Variants in CACNA2D3 observed in about 807,000 individuals in gnomAD.
CACNA2D3 encodes the protein voltage-dependent calcium channel subunit alpha-2/delta-3.
In CACNA2D3, 60 loss-of-function variants were observed where a neutral mutation model predicts 160.6. The observed-to-expected ratio is 0.37, with a 90% CI of 0.30 to 0.46. CACNA2D3 has a LOEUF of 0.46. CACNA2D3 is among the 20% of genes least tolerant of loss of function. The pLI, the probability that CACNA2D3 is intolerant of heterozygous loss-of-function variation, is 1.00. For synonymous variants in CACNA2D3, 558 were observed against 492.9 expected, an observed-to-expected ratio of 1.13 and a Z score of -1.75; for missense variants, 1,205 against 1,365.0, an observed-to-expected ratio of 0.88 and a Z score of 1.85.
chr3:54,911,852 A>G (rs1008389600), intron 27 of CACNA2D3, among the ~76,000 whole-genome samples: 7 of 152,196 alleles, frequency 4.6e-5, no homozygotes, highest in African/African-American at 1.7e-4. Flanking sequence ...ACAGAGGTCC[A>G]GGTATTAGTT....
At chr3:54,488,495 A>C (rs1427820047) in intron 4 of CACNA2D3, among the ~76,000 whole-genome samples, 1 of 152,022 alleles carries the variant, frequency 6.6e-6, no homozygotes, top group Non-Finnish European at 1.5e-5. Context: ...GACTAGCCTC[A>C]CAATAGCCCA....
intron 9 of CACNA2D3, among the ~76,000 whole-genome samples, chr3:54,606,522 T>G (rs918765197): frequency 1.3e-5 from 2 of 152,054 alleles, no homozygotes; most frequent in African/African-American, 4.8e-5. Flanking sequence ...GCTATTGGGA[T>G]GTGGGTTCCA....
chr3:54,491,182 A>G (rs558434556), intron 4 of CACNA2D3, among the ~76,000 whole-genome samples: 1 of 152,262 alleles, frequency 6.6e-6, no homozygotes, highest in East Asian at 1.9e-4. Context: ...TTTTTGGAGT[A>G]GGACTTGTTC....
intron 28 of CACNA2D3, among the ~76,000 whole-genome samples, chr3:54,968,962 T>G (rs1201859821): frequency 6.6e-6 from 1 of 152,208 alleles, no homozygotes; most frequent in African/African-American, 2.4e-5. Flanking sequence ...CTGGGAACAT[T>G]GTTTTCTTTT....
intron 29 of CACNA2D3, among the ~76,000 whole-genome samples, chr3:54,975,309 A>G (rs1422291896): frequency 6.6e-6 from 1 of 152,176 alleles, no homozygotes; most frequent in Non-Finnish European, 1.5e-5. Context: ...ACTTGAGGTC[A>G]GGAGTTTGAG....
At chr3:54,636,025 C>T (rs1699363264) in intron 10 of CACNA2D3, among the ~76,000 whole-genome samples, 1 of 151,860 alleles carries the variant, frequency 6.6e-6, no homozygotes, top group Non-Finnish European at 1.5e-5. Flanking sequence ...GGGGGCAAAT[C>T]CCTGAGCTTG....
chr3:54,372,195 A>G (rs1386916747), intron 3 of CACNA2D3, among the ~76,000 whole-genome samples: 1 of 152,324 alleles, frequency 6.6e-6, no homozygotes, highest in South Asian at 2.1e-4. Flanking sequence ...AAAGCCACTA[A>G]AGTTCAAATA....
At chr3:54,459,063 A>G (rs1486993133) in intron 4 of CACNA2D3, among the ~76,000 whole-genome samples, 2 of 151,990 alleles carry the variant, frequency 1.3e-5, no homozygotes, top group African/African-American at 2.4e-5. Flanking sequence ...GAGAATGATG[A>G]TTTCCAATTT....
intron 11 of CACNA2D3, among the ~76,000 whole-genome samples, chr3:54,648,365 G>T (rs1699694710): frequency 6.6e-6 from 1 of 152,202 alleles, no homozygotes; most frequent in Non-Finnish European, 1.5e-5. Flanking sequence ...TATGGCTGAT[G>T]GCAGAATTCA....
intron 35 of CACNA2D3, among the ~76,000 whole-genome samples, chr3:55,071,976 T>C (rs1027875217): frequency 6.6e-6 from 1 of 152,236 alleles, no homozygotes; most frequent in Non-Finnish European, 1.5e-5. Flanking sequence ...AATATATTTA[T>C]GTTGATGGGC....
intron 27 of CACNA2D3, among the ~76,000 whole-genome samples, chr3:54,904,372 G>A (rs927676599): frequency 1.3e-5 from 2 of 152,152 alleles, no homozygotes; most frequent in Non-Finnish European, 2.9e-5. Context: ...GATGGAAGGT[G>A]TGGCCCTGCA....
chr3:54,998,127 C>CTTTT (rs752805359), intron 31 of CACNA2D3, among the ~76,000 whole-genome samples: 1 of 126,990 alleles, frequency 7.9e-6, no homozygotes, highest in Non-Finnish European at 1.6e-5. Context: ...TCAATTAATT[C>CTTTT]TTTTTTTTTT....
rs566486691 is a variant in CACNA2D3 at position 54,376,601 on chromosome 3, G to C, written c.322-10114G>C. Among the ~76,000 whole-genome samples, 12 of 152,266 alleles carry C rather than the reference G, an allele frequency of 7.9e-5. No homozygotes were observed. In the East Asian group the frequency reaches 2.1e-3, roughly 27 times the overall value. On this transcript the variant is annotated intron_variant, in intron 3 of 37. Coordinates refer to ENST00000474759, the MANE Select transcript of CACNA2D3 (RefSeq NM_018398.3). ...ATTGTAGCCCACGCCACATTATCTA[G>C]TTATTTGCCTCTTCTCCCAACTGAA...
Position 54,145,040 on chromosome 3 carries a change from G to T in CACNA2D3, c.204+21446G>T, listed in dbSNP as rs192273492. Among the ~76,000 whole-genome samples, 7 of 152,244 alleles carry T rather than the reference G, an allele frequency of 4.6e-5. 1 individual carries two copies. Among genetic ancestry groups the T allele is most frequent in the Admixed American group, 4.6e-4 (7 of 15,288 alleles). On this transcript the variant is annotated intron_variant, in intron 2 of 37. Coordinates refer to ENST00000474759, the MANE Select transcript of CACNA2D3 (RefSeq NM_018398.3). ...CTTCACTTTAAATATCTCTTTATAG[G>T]ATCTCCCAAAGACTTTGAGATTTTA...
intron 2 of CACNA2D3, among the ~76,000 whole-genome samples, chr3:54,141,094 C>CGCGCGCGCGCGCGCACGTGCGCGCACGT (rs768348036): frequency 3.4e-4 from 28 of 81,970 alleles, no homozygotes; most frequent in African/African-American, 9.9e-4. Flanking sequence ...TGTGCGCGCG[C>CGCGCGCGCGCGCGCACGTGCGCGCACGT]GCGCGTGTGT....
chr3:55,060,295 T>C (rs761498895), intron 35 of CACNA2D3, among the ~76,000 whole-genome samples: 2 of 152,162 alleles, frequency 1.3e-5, no homozygotes, highest in Non-Finnish European at 2.9e-5. Flanking sequence ...GTAAAGACTA[T>C]CATACAATGC....
intron 2 of CACNA2D3, among the ~76,000 whole-genome samples, chr3:54,229,618 A>G (rs1215373443): frequency 6.6e-6 from 1 of 151,928 alleles, no homozygotes; most frequent in Non-Finnish European, 1.5e-5. Flanking sequence ...TATAGGCATG[A>G]ATCACCATGC....
chr3:54,876,861 TA>T (rs1234483812), intron 18 of CACNA2D3, among the ~76,000 whole-genome samples: 1 of 152,218 alleles, frequency 6.6e-6, no homozygotes, highest in Non-Finnish European at 1.5e-5. Flanking sequence ...CCTCCCTTTT[TA>T]TAGCCCCTGA....
At chr3:54,924,628 C>G in intron 27 of CACNA2D3, 1 of 1,613,508 alleles carries the variant, frequency 6.2e-7, no homozygotes, top group South Asian at 1.1e-5. Flanking sequence ...CCTTTATAGA[C>G]AAATTTCTCC....
Sources: gnomAD v4.1 joint callset for allele counts (sites outside exome capture counted in the v4.1 genomes callset) on GRCh38, gnomAD v4.1.1 for gene constraint, MANE v1.5 for transcripts, NCBI Gene and HGNC (gene_info 2026-07-23, HGNC 2026-07-21) for gene names.